The following SATB2 variants were observed in gnomAD, a reference collection of about 807,000 sequenced individuals.
The protein encoded by SATB2 is SATB homeobox 2, also known as DNA-binding protein SATB2.
Under a neutral mutation model 73.4 loss-of-function variants are expected in SATB2, and 1 was observed. That is an observed-to-expected ratio of 0.01 (90% CI 0.00 to 0.06). SATB2 has a LOEUF of 0.06. Among genes scored for constraint, SATB2 ranks in the 10% least tolerant of loss-of-function variants. The pLI, the probability that SATB2 is intolerant of heterozygous loss-of-function variation, is 1.00. For synonymous variants in SATB2, 397 were observed against 367.0 expected, an observed-to-expected ratio of 1.08 and a Z score of -0.93; for missense variants, 459 against 945.8, an observed-to-expected ratio of 0.49 and a Z score of 6.75.
chr2:199,358,870 T>C (rs1689061235), intron 6 of SATB2, among the ~76,000 whole-genome samples: 1 of 152,180 alleles, frequency 6.6e-6, no homozygotes, highest in Non-Finnish European at 1.5e-5. Flanking sequence ...GTCTCCACCC[T>C]CTGTACCAGA....
chr2:199,358,831 G>A (rs1689059911), intron 6 of SATB2, among the ~76,000 whole-genome samples: 1 of 151,968 alleles, frequency 6.6e-6, no homozygotes, highest in African/African-American at 2.4e-5. Flanking sequence ...ATGTTCCATG[G>A]AAAAAGTGAG....
intron 10 of SATB2, among the ~76,000 whole-genome samples, chr2:199,289,160 TG>T (rs1692774536): frequency 6.6e-6 from 1 of 152,178 alleles, no homozygotes; most frequent in Non-Finnish European, 1.5e-5. Context: ...ATGGGAATAT[TG>T]GTTTTGTATC....
intron 6 of SATB2, among the ~76,000 whole-genome samples, chr2:199,365,124 T>C (rs957342200): frequency 3.3e-5 from 5 of 152,098 alleles, no homozygotes; most frequent in African/African-American, 1.2e-4. Flanking sequence ...TGTTTCTAGG[T>C]GTCTATGGAA....
chr2:199,381,364 C>T (rs563632889), intron 4 of SATB2, among the ~76,000 whole-genome samples: 4 of 152,278 alleles, frequency 2.6e-5, no homozygotes, highest in African/African-American at 9.6e-5. Flanking sequence ...ATGTGCTACA[C>T]ATTTAAGCAG....
At chr2:199,372,224 T>G (rs1217542199) in intron 5 of SATB2, among the ~76,000 whole-genome samples, 1 of 152,210 alleles carries the variant, frequency 6.6e-6, no homozygotes, top group Non-Finnish European at 1.5e-5. Context: ...TTATTTGTAG[T>G]CAATTTGACA....
intron 9 of SATB2, among the ~76,000 whole-genome samples, chr2:199,321,148 G>C (rs555786155): frequency 6.6e-6 from 1 of 152,102 alleles, no homozygotes; most frequent in South Asian, 2.1e-4. Flanking sequence ...CAATACAATG[G>C]AGTGGGTGTG....
intron 8 of SATB2, among the ~76,000 whole-genome samples, chr2:199,328,322 C>A (rs1446171141): frequency 2.6e-5 from 4 of 152,150 alleles, no homozygotes; most frequent in Non-Finnish European, 5.9e-5. Context: ...AAGCGGATCA[C>A]CTGAGGTCAG....
chr2:199,388,748 C>A (rs1690033152), intron 3 of SATB2, among the ~76,000 whole-genome samples: 1 of 151,964 alleles, frequency 6.6e-6, no homozygotes, highest in Non-Finnish European at 1.5e-5. Context: ...TGGAAAAGAT[C>A]TCCACAAAAG....
At position 199,341,775 on chromosome 2, in the gene SATB2, T is replaced by C. The variant is rs1398866261; in HGVS notation, c.1173+6926A>G. Among the ~76,000 whole-genome samples, 6 of 152,212 alleles carry C rather than the reference T, an allele frequency of 3.9e-5. No homozygotes were observed. In the East Asian group the frequency reaches 1.2e-3, roughly 29 times the overall value. ...ACTACTACCCTATGGCATGACCAAT[T>C]AGGCTGGAAATGGCGTGGACCTATA... On this transcript the variant is annotated intron_variant, in intron 7 of 10. Transcript: ENST00000417098.
intron 10 of SATB2, among the ~76,000 whole-genome samples, chr2:199,298,053 T>C (rs953801652): frequency 1.3e-5 from 2 of 152,308 alleles, no homozygotes; most frequent in East Asian, 1.9e-4. Flanking sequence ...GTTATCTTGC[T>C]GAATATAAAA....
intron 7 of SATB2, among the ~76,000 whole-genome samples, chr2:199,335,169 TGTC>T (rs1269767769): frequency 6.6e-6 from 1 of 152,090 alleles, no homozygotes; most frequent in African/African-American, 2.4e-5. Context: ...TCAAAGAAAA[TGTC>T]GTTATTGCAT....
intron 3 of SATB2, among the ~76,000 whole-genome samples, chr2:199,393,193 G>C (rs1455236596): frequency 6.6e-6 from 1 of 152,128 alleles, no homozygotes; most frequent in Non-Finnish European, 1.5e-5. Context: ...TTCTTCACTA[G>C]ACTGTAAGTT....
intron 3 of SATB2, among the ~76,000 whole-genome samples, chr2:199,405,768 T>G (rs1444816831): frequency 2.6e-5 from 4 of 152,108 alleles, no homozygotes; most frequent in Non-Finnish European, 5.9e-5. Context: ...TATTTCTGGT[T>G]ATACATAGTT....
chr2:199,385,298 C>T (rs1487213555), intron 3 of SATB2, among the ~76,000 whole-genome samples: 1 of 152,134 alleles, frequency 6.6e-6, no homozygotes, highest in Non-Finnish European at 1.5e-5. Flanking sequence ...CCACACCTGG[C>T]TAAGTTTTGT....
At chr2:199,437,035 A>G (rs1691673776) in intron 2 of SATB2, among the ~76,000 whole-genome samples, 1 of 152,206 alleles carries the variant, frequency 6.6e-6, no homozygotes. Context: ...AAGAATAAAA[A>G]TGTAAAACTG....
chr2:199,307,086 T>C (rs1687453572), intron 10 of SATB2, among the ~76,000 whole-genome samples: 1 of 152,028 alleles, frequency 6.6e-6, no homozygotes. Flanking sequence ...TCTAATCCAG[T>C]TCACATCAAA....
At chr2:199,295,881 G>C (rs1467305483) in intron 10 of SATB2, among the ~76,000 whole-genome samples, 1 of 151,896 alleles carries the variant, frequency 6.6e-6, no homozygotes, top group Non-Finnish European at 1.5e-5. Flanking sequence ...CCATTTCTAG[G>C]GTCAAACCAA....
intron 2 of SATB2, among the ~76,000 whole-genome samples, chr2:199,446,493 C>T (rs1691966229): frequency 6.6e-6 from 1 of 151,764 alleles, no homozygotes; most frequent in South Asian, 2.1e-4. Flanking sequence ...GAAAAAAAAA[C>T]CAAAACACTT....
chr2:199,422,302 GTT>G (rs60270792), intron 3 of SATB2, among the ~76,000 whole-genome samples: 12 of 144,650 alleles, frequency 8.3e-5, no homozygotes, highest in Non-Finnish European at 1.5e-4. Flanking sequence ...AAAATTTTTA[GTT>G]TTTTTTTTTG....
Sources: allele counts gnomAD v4.1 joint callset (sites outside exome capture counted in the v4.1 genomes callset), GRCh38; gene constraint gnomAD v4.1.1; transcripts MANE v1.5; gene names NCBI Gene and HGNC (gene_info 2026-07-23, HGNC 2026-07-21).